Variants in POLDIP3 observed in about 807,000 individuals in gnomAD.
POLDIP3 encodes the protein DNA polymerase delta interacting protein 3.
Under a neutral mutation model 45.1 loss-of-function variants are expected in POLDIP3, and 14 were observed. The ratio of observed to expected loss-of-function variants is 0.31; its 90% CI spans 0.20 to 0.49. The LOEUF (loss-of-function observed/expected upper bound fraction) is 0.49. POLDIP3 is among the 20% of genes least tolerant of loss of function. The probability of loss-of-function intolerance (pLI) is 0.99; values close to 1 mark genes in which losing one functional copy is unlikely to be tolerated. For synonymous variants in POLDIP3, 223 were observed against 205.2 expected, an observed-to-expected ratio of 1.09 and a Z score of -0.74; for missense variants, 511 against 538.8, an observed-to-expected ratio of 0.95 and a Z score of 0.51.
chr22:42,609,853 G>C (rs1927011118), intron 1 of POLDIP3, among the ~76,000 whole-genome samples: 1 of 152,166 alleles, frequency 6.6e-6, no homozygotes, highest in Non-Finnish European at 1.5e-5. Context: ...GTGTTTAAGA[G>C]ACACAAAGAA....
At chr22:42,586,068 G>A in intron 8 of POLDIP3, 100 bp from the exon 9 acceptor site, 2 of 1,123,352 alleles carry the variant, frequency 1.8e-6, no homozygotes, top group East Asian at 5.2e-5. Context: ...CTAGGCACTG[G>A]GTGTAACACT....
In POLDIP3 at chr22:42,585,263, C is replaced by G. The variant is rs1925229416; in HGVS notation, c.*528G>C. On this transcript the variant is annotated 3_prime_UTR_variant, in exon 9 of 9. Coordinates refer to ENST00000252115, the MANE Select transcript of POLDIP3 (RefSeq NM_032311.5). Reference sequence around the variant, plus strand: ...GACAAGAGGCCTGAGACCTGCTCCCCACCCAGGCACCTCCACTGACAAGAC... The same window carrying G: ...GACAAGAGGCCTGAGACCTGCTCCCGACCCAGGCACCTCCACTGACAAGAC... 1.9e-6 allele frequency: 1 copy of G among 515,752 alleles called. No individual in the cohort carries two copies. Among genetic ancestry groups the G allele is most frequent in the Admixed American group, 2.0e-5 (1 of 51,202 alleles). The allele number at this position is 515,752 out of a possible 1,614,324, so 31.9% of individuals were successfully genotyped here. A position where few individuals can be genotyped will look rare whatever the true frequency, so the allele number is the denominator to read the frequency against.
At position 42,585,083 on chromosome 22, in the gene POLDIP3, C is replaced by T; in HGVS notation, c.*708G>A. 1 of 446,192 alleles carries T rather than the reference C, an allele frequency of 2.2e-6. No individual in the cohort carries two copies. The highest frequency in any genetic ancestry group is 4.5e-6 in the Non-Finnish European group (1 of 222,554). The allele number at this position is 446,192 out of a possible 1,614,324, so 27.6% of individuals were successfully genotyped here. A position where few individuals can be genotyped will look rare whatever the true frequency, so the allele number is the denominator to read the frequency against. On this transcript the variant is annotated 3_prime_UTR_variant, in exon 9 of 9. Transcript: ENST00000252115. ...AAGAGAGCTGGGGTGGGGCATTCAGCACAACTCAAGGAAAAGGGAAAGGTG... is the reference window on the plus strand; with the variant it reads ...AAGAGAGCTGGGGTGGGGCATTCAGTACAACTCAAGGAAAAGGGAAAGGTG...
In POLDIP3 at chr22:42,602,783, G is replaced by C; in HGVS notation, c.437C>G (p.Thr146Ser). The change falls in exon 2 of 9, where the codon ACC becomes AGC. Residue 146 changes from threonine (T) to serine (S), a missense_variant. Coordinates refer to ENST00000252115, the MANE Select transcript of POLDIP3 (RefSeq NM_032311.5). ...GCCACAACTCACCTGGATGGTTTTG[G>C]TGAGCTTCAGAGCAGGGGTCACTGT... is the stretch of plus-strand genomic sequence containing the variant. ...IGTVTPALKL[T>S]KTIQVPQQKA... 6.2e-7 allele frequency: 1 copy of C among 1,603,148 alleles called. No homozygotes were observed. The highest frequency in any genetic ancestry group is 2.2e-5 in the East Asian group (1 of 44,694).
chr22:42,603,040 A>T lies in POLDIP3; in HGVS notation c.180T>A (p.Ile60=). ...FQQRFDARQK[I]GLSDARLKLG... ...GTTTGAGCCGGGCATCTGAGAGGCC[A>T]ATCTTCTGCCGGGCATCAAATCTCT... is the stretch of plus-strand genomic sequence containing the variant. The change falls in exon 2 of 9, where the codon ATT becomes ATA. Residue 60 remains isoleucine, a synonymous_variant. Coordinates refer to ENST00000252115, the MANE Select transcript of POLDIP3 (RefSeq NM_032311.5). The T allele has an allele frequency of 6.2e-7, 1 of 1,614,148 alleles. No individual in the cohort carries two copies. Among genetic ancestry groups the T allele is most frequent in the Non-Finnish European group, 8.5e-7 (1 of 1,180,010 alleles).
At chr22:42,596,144 C>A (rs959169105) in intron 5 of POLDIP3, 42 bp downstream of exon 5, 3 of 1,596,562 alleles carry the variant, frequency 1.9e-6, no homozygotes, top group East Asian at 4.5e-5. Context: ...AAGCATACAG[C>A]CCTCCTGACC....
At chr22:42,587,474 C>T (rs1022250512) in intron 8 of POLDIP3, 32 bp downstream of exon 8, 2 of 1,588,068 alleles carry the variant, frequency 1.3e-6, no homozygotes, top group Non-Finnish European at 1.7e-6. Context: ...GACGGAGCTG[C>T]CTCTCCCCAG....
chr22:42,598,752 T>C (rs1926161671), intron 4 of POLDIP3, among the ~76,000 whole-genome samples: 1 of 152,190 alleles, frequency 6.6e-6, no homozygotes, highest in Non-Finnish European at 1.5e-5. Flanking sequence ...AACTGAGTCT[T>C]TGAGCGTCTG....
chr22:42,589,207 C>T (rs552099303), intron 7 of POLDIP3, among the ~76,000 whole-genome samples: 2 of 146,248 alleles, frequency 1.4e-5, no homozygotes, highest in Non-Finnish European at 3.0e-5. Flanking sequence ...CATGCCACTG[C>T]ATTCCAGCCT....
intron 8 of POLDIP3, 63 bp from the exon 9 acceptor site, chr22:42,586,031 C>G: frequency 6.8e-7 from 1 of 1,462,834 alleles, no homozygotes; most frequent in Non-Finnish European, 9.2e-7. Flanking sequence ...GGAGGGGACC[C>G]ACCATTTACT....
chr22:42,611,642 A>C (rs550257117), intron 1 of POLDIP3, among the ~76,000 whole-genome samples: 1 of 152,344 alleles, frequency 6.6e-6, no homozygotes, highest in South Asian at 2.1e-4. Flanking sequence ...TGGGAGGCTG[A>C]GACGGGTGGA....
intron 7 of POLDIP3, among the ~76,000 whole-genome samples, chr22:42,591,502 T>C (rs1457360888): frequency 6.6e-6 from 1 of 152,238 alleles, no homozygotes; most frequent in Non-Finnish European, 1.5e-5. Flanking sequence ...AGAATTCTTC[T>C]CTACAGGCTG....
rs544468726 is a variant in POLDIP3, at chr22:42,585,133, G to A, written c.*658C>T. ...GAACTCTGGAGAACTTCCTCTGGGTGGAGACGACACGGGACTCCAAGCCAA... is the reference window on the plus strand; with the variant it reads ...GAACTCTGGAGAACTTCCTCTGGGTAGAGACGACACGGGACTCCAAGCCAA... On this transcript the variant is annotated 3_prime_UTR_variant, in exon 9 of 9. Coordinates refer to ENST00000252115, the MANE Select transcript of POLDIP3 (RefSeq NM_032311.5). The A allele has an allele frequency of 1.3e-3, 583 of 439,924 alleles. 7 individuals carry two copies. The highest frequency in any genetic ancestry group is 1.6e-4 in the Non-Finnish European group (36 of 219,066). The allele number at this position is 439,924 out of a possible 1,614,324, so 27.3% of individuals were successfully genotyped here.
intron 7 of POLDIP3, among the ~76,000 whole-genome samples, chr22:42,591,539 A>G (rs1193333188): frequency 6.6e-6 from 1 of 152,188 alleles, no homozygotes; most frequent in Non-Finnish European, 1.5e-5. Flanking sequence ...ATGAACCTCA[A>G]GTCAATAAAG....
intron 4 of POLDIP3, among the ~76,000 whole-genome samples, chr22:42,598,645 A>G (rs1365730297): frequency 6.6e-6 from 1 of 152,072 alleles, no homozygotes; most frequent in Non-Finnish European, 1.5e-5. Flanking sequence ...CTGCCTCCCA[A>G]AGTGTTGAGA....
chr22:42,594,192 CG>C (rs764184698), intron 6 of POLDIP3, among the ~76,000 whole-genome samples: 8 of 152,150 alleles, frequency 5.3e-5, no homozygotes, highest in Non-Finnish European at 1.0e-4. Context: ...ACCCAGGAGG[CG>C]GAAGTTGCAG....
intron 1 of POLDIP3, among the ~76,000 whole-genome samples, chr22:42,604,737 G>C (rs556740346): frequency 2.6e-5 from 4 of 152,260 alleles, no homozygotes; most frequent in Admixed American, 1.3e-4. Flanking sequence ...AGCAAACGTG[G>C]ACCTTCATCT....
At chr22:42,588,057 G>A (rs993978377) in intron 7 of POLDIP3, among the ~76,000 whole-genome samples, 1 of 152,138 alleles carries the variant, frequency 6.6e-6, no homozygotes, top group Non-Finnish European at 1.5e-5. Context: ...CCATGTGGGA[G>A]TAACATTTCC....
At chr22:42,612,996 A>G (rs936153067) in intron 1 of POLDIP3, among the ~76,000 whole-genome samples, 7 of 152,174 alleles carry the variant, frequency 4.6e-5, no homozygotes, top group Admixed American at 3.9e-4. Flanking sequence ...CTGTGGATCC[A>G]CACATAACCA....
Sources: gnomAD v4.1 joint callset for allele counts (sites outside exome capture counted in the v4.1 genomes callset) on GRCh38, gnomAD v4.1.1 for gene constraint, MANE v1.5 for transcripts, NCBI Gene and HGNC (gene_info 2026-07-23, HGNC 2026-07-21) for gene names.